The following SLC23A2 variants were observed in gnomAD, a reference collection of about 807,000 sequenced individuals.
SLC23A2 encodes the protein solute carrier family 23 member 2, also known as Na(+)/L-ascorbic acid transporter 2.
In SLC23A2, 36 loss-of-function variants were observed where a neutral mutation model predicts 73.3. The observed-to-expected ratio is 0.49, with a 90% CI of 0.38 to 0.65. The LOEUF (loss-of-function observed/expected upper bound fraction) is 0.65, where lower values mean the gene tolerates loss of function less well. SLC23A2 is among the 30% of genes least tolerant of loss of function. SLC23A2 has a pLI of 0.00. For synonymous variants in SLC23A2, 343 were observed against 327.3 expected, an observed-to-expected ratio of 1.05 and a Z score of -0.52; for missense variants, 507 against 841.6, an observed-to-expected ratio of 0.60 and a Z score of 4.92.
In SLC23A2 at chr20:4,852,617, C is replaced by A. The variant is rs1274073241; in HGVS notation, c.*4355G>T. ...TAAAAATAAAAAACAAACAAAACCC[C>A]AGAAAGGTATATATAGCCAAAGTCA... On this transcript the variant is annotated 3_prime_UTR_variant, in exon 17 of 17. Transcript: ENST00000338244. The surrounding 1 kb of genome is among the most constrained non-coding windows in gnomAD (Gnocchi z 4.3). 1.3e-5 allele frequency: 2 copies of A among 152,426 alleles called. No individual in the cohort carries two copies. The highest frequency in any genetic ancestry group is 4.8e-5 in the African/African-American group (2 of 41,394). 9.4% of individuals were successfully genotyped at this position (152,426 alleles called of 1,614,324 possible). A position where few individuals can be genotyped will look rare whatever the true frequency, so the allele number is the denominator to read the frequency against.
intron 6 of SLC23A2, among the ~76,000 whole-genome samples, chr20:4,887,640 G>A (rs1353227114): frequency 1.3e-5 from 2 of 152,174 alleles, no homozygotes; most frequent in Non-Finnish European, 2.9e-5. Flanking sequence ...TAAAGGTCCC[G>A]AGAGCGCTGC....
At position 4,854,157 on chromosome 20, in the gene SLC23A2, A is replaced by G. The variant is rs1763631406; in HGVS notation, c.*2815T>C. ...ATTCACATCCAAAATATTTTACAACACTCTACAGGCAAAACAAAGTACGGG... is the reference window on the plus strand; with the variant it reads ...ATTCACATCCAAAATATTTTACAACGCTCTACAGGCAAAACAAAGTACGGG... On this transcript the variant is annotated 3_prime_UTR_variant, in exon 17 of 17. Coordinates refer to ENST00000338244, the MANE Select transcript of SLC23A2 (RefSeq NM_005116.6). 1 of 151,714 alleles carries G rather than the reference A, an allele frequency of 6.6e-6. No individual in the cohort carries two copies. The allele number at this position is 151,714 out of a possible 1,614,324, so 9.4% of individuals were successfully genotyped here. A position where few individuals can be genotyped will look rare whatever the true frequency, so the allele number is the denominator to read the frequency against.
At chr20:4,964,478 GA>G (rs2087442288) in intron 2 of SLC23A2, among the ~76,000 whole-genome samples, 1 of 152,126 alleles carries the variant, frequency 6.6e-6, no homozygotes, top group South Asian at 2.1e-4. Flanking sequence ...AACCGGAGGG[GA>G]AAATATTAAT....
At chr20:4,867,021 A>G (rs1203478741) in intron 13 of SLC23A2, among the ~76,000 whole-genome samples, 1 of 136,154 alleles carries the variant, frequency 7.3e-6, no homozygotes, top group Admixed American at 8.2e-5. Flanking sequence ...CCAGCCCCCC[A>G]TGGTCTATTC....
chr20:4,914,573 T>G (rs1932262207), intron 3 of SLC23A2, among the ~76,000 whole-genome samples: 1 of 152,076 alleles, frequency 6.6e-6, no homozygotes, highest in Admixed American at 6.6e-5. Flanking sequence ...GATCCAGCAA[T>G]TATACTCATA....
At chr20:4,913,432 A>G (rs1932224793) in intron 3 of SLC23A2, among the ~76,000 whole-genome samples, 1 of 152,172 alleles carries the variant, frequency 6.6e-6, no homozygotes, top group Admixed American at 6.5e-5. Context: ...GGGCCACACC[A>G]TCGTCCCGGG....
chr20:4,880,267 T>G (rs1474870425), intron 9 of SLC23A2, among the ~76,000 whole-genome samples: 1 of 152,192 alleles, frequency 6.6e-6, no homozygotes, highest in Admixed American at 6.5e-5. Context: ...ATGCACTCAT[T>G]GTCTAACCAT....
chr20:4,929,922 C>T (rs1009261133), intron 3 of SLC23A2, among the ~76,000 whole-genome samples: 5 of 152,110 alleles, frequency 3.3e-5, no homozygotes, highest in Admixed American at 6.5e-5. Context: ...GGAGGGCAAA[C>T]TACAATTATT....
At chr20:4,859,686 T>A (rs1341606260) in intron 15 of SLC23A2, among the ~76,000 whole-genome samples, 3 of 151,808 alleles carry the variant, frequency 2.0e-5, no homozygotes, top group African/African-American at 4.9e-5. Flanking sequence ...AGGGGTGTAG[T>A]CGGTGGATAA....
chr20:4,858,161 T>A (rs1015674639), intron 16 of SLC23A2, among the ~76,000 whole-genome samples: 9 of 152,168 alleles, frequency 5.9e-5, no homozygotes, highest in Admixed American at 5.2e-4. Context: ...TTAGCGTGTC[T>A]GGTGCTATGG....
intron 1 of SLC23A2, among the ~76,000 whole-genome samples, chr20:4,976,621 G>A (rs546441028): frequency 3.3e-5 from 5 of 150,544 alleles, no homozygotes; most frequent in African/African-American, 7.3e-5. Flanking sequence ...GCTGCAGTGC[G>A]CCGAGATCAT....
intron 1 of SLC23A2, among the ~76,000 whole-genome samples, chr20:4,981,734 C>G (rs1272105293): frequency 7.0e-6 from 1 of 143,760 alleles, no homozygotes; most frequent in Non-Finnish European, 1.5e-5. Context: ...TGGAATCTCA[C>G]TCTGTTGCCC....
intron 2 of SLC23A2, among the ~76,000 whole-genome samples, chr20:4,937,865 G>A (rs1453136408): frequency 3.3e-5 from 5 of 151,970 alleles, no homozygotes; most frequent in Non-Finnish European, 7.4e-5. Context: ...TGAGGGGCAG[G>A]AATCACCTTC....
chr20:4,976,620 C>T (rs1481484723), intron 1 of SLC23A2, among the ~76,000 whole-genome samples: 5 of 150,632 alleles, frequency 3.3e-5, no homozygotes, highest in African/African-American at 9.8e-5. Flanking sequence ...GGCTGCAGTG[C>T]GCCGAGATCA....
chr20:4,889,572 A>G (rs1931242404), intron 6 of SLC23A2, among the ~76,000 whole-genome samples: 1 of 151,148 alleles, frequency 6.6e-6, no homozygotes. Context: ...TTTGCTTTTT[A>G]ATTCCCTTTG....
At chr20:4,858,603 T>C (rs1346513503) in intron 16 of SLC23A2, among the ~76,000 whole-genome samples, 1 of 152,120 alleles carries the variant, frequency 6.6e-6, no homozygotes, top group Non-Finnish European at 1.5e-5. Flanking sequence ...AGAATAAGTA[T>C]CACCCTTCCT....
chr20:4,897,499 C>T (rs568483612), intron 6 of SLC23A2, among the ~76,000 whole-genome samples: 1 of 152,226 alleles, frequency 6.6e-6, no homozygotes, highest in African/African-American at 2.4e-5. Context: ...CACAGACACG[C>T]ACCCTCCTCC....
At chr20:4,945,228 T>G (rs2087101168) in intron 2 of SLC23A2, among the ~76,000 whole-genome samples, 2 of 152,150 alleles carry the variant, frequency 1.3e-5, no homozygotes, top group African/African-American at 4.8e-5. Flanking sequence ...AGCATGTGAC[T>G]GAATTTAAAA....
intron 2 of SLC23A2, among the ~76,000 whole-genome samples, chr20:4,940,695 G>C (rs970992905): frequency 6.6e-6 from 1 of 152,132 alleles, no homozygotes; most frequent in Non-Finnish European, 1.5e-5. Flanking sequence ...CATAACACAG[G>C]GTGAACATCT....
Sources: allele counts gnomAD v4.1 joint callset (sites outside exome capture counted in the v4.1 genomes callset), GRCh38; gene constraint gnomAD v4.1.1; non-coding constraint Gnocchi (gnomAD v3.1); transcripts MANE v1.5; gene names NCBI Gene and HGNC (gene_info 2026-07-23, HGNC 2026-07-21).